CCSER1: variants seen among roughly 807,000 people sequenced by gnomAD.
CCSER1 encodes the protein serine-rich coiled-coil domain-containing protein 1.
In CCSER1, 41 loss-of-function variants were observed where a neutral mutation model predicts 82.0. The ratio of observed to expected loss-of-function variants is 0.50; its 90% CI spans 0.39 to 0.65. The LOEUF (loss-of-function observed/expected upper bound fraction) is 0.65. Ranked by LOEUF, CCSER1 falls within the 30% of genes least tolerant of loss-of-function variation. The probability of loss-of-function intolerance (pLI) is 0.00; values close to 1 mark genes in which losing one functional copy is unlikely to be tolerated. For missense variants in CCSER1, 1,119 were observed against 1,064.2 expected (o/e 1.05, Z -0.72); for synonymous variants, 414 against 383.9 (o/e 1.08, Z -0.92).
chr4:90,874,403 T>A (rs1342178490), intron 8 of CCSER1, among the ~76,000 whole-genome samples: 1 of 151,220 alleles, frequency 6.6e-6, no homozygotes, highest in African/African-American at 2.4e-5. Context: ...AAATTTGTTA[T>A]GTCTTTCAAC....
chr4:91,083,517 C>T (rs1723030612), intron 9 of CCSER1, among the ~76,000 whole-genome samples: 1 of 151,992 alleles, frequency 6.6e-6, no homozygotes, highest in Non-Finnish European at 1.5e-5. Flanking sequence ...TGTAACAAAT[C>T]TGCATGTTGT....
At chr4:91,373,764 A>G (rs1053743290) in intron 10 of CCSER1, among the ~76,000 whole-genome samples, 3 of 152,214 alleles carry the variant, frequency 2.0e-5, no homozygotes, top group Non-Finnish European at 4.4e-5. Context: ...AGGCACGTCA[A>G]AAGCTGAGTA....
chr4:90,413,831 T>A (rs184176934), intron 4 of CCSER1, among the ~76,000 whole-genome samples: 1 of 148,108 alleles, frequency 6.8e-6, no homozygotes, highest in African/African-American at 2.5e-5. Flanking sequence ...CGCCTGTAGT[T>A]CCAGCTACTC....
intron 5 of CCSER1, among the ~76,000 whole-genome samples, chr4:90,529,936 A>AATATAT (rs1013939688): frequency 0.047 from 6,122 of 130,738 alleles, 165 homozygotes; most frequent in Non-Finnish European, 0.054. Context: ...TATTAAATAG[A>AATATAT]ATATATATAT....
rs2110366634 is a variant in CCSER1 at position 91,601,346 on chromosome 4, G to A, written c.*2289G>A. On this transcript the variant is annotated 3_prime_UTR_variant, in exon 11 of 11. Coordinates refer to ENST00000509176, the MANE Select transcript of CCSER1 (RefSeq NM_001145065.2). ...AAACAGTTCGATTTTAAAAGGAAGG[G>A]TATTTTTTGGAAATATCATCTTAAA... is the stretch of plus-strand genomic sequence containing the variant. 1 of 152,038 alleles carries A rather than the reference G, an allele frequency of 6.6e-6. No homozygotes were observed. The highest frequency in any genetic ancestry group is 2.1e-4 in the South Asian group (1 of 4,822). 9.4% of individuals were successfully genotyped at this position (152,038 alleles called of 1,614,324 possible). A position where few individuals can be genotyped will look rare whatever the true frequency, so the allele number is the denominator to read the frequency against.
At chr4:91,115,858 TA>T (rs201504499) in intron 10 of CCSER1, among the ~76,000 whole-genome samples, 2,032 of 136,184 alleles carry the variant, frequency 0.015, 38 homozygotes, top group African/African-American at 0.041. Flanking sequence ...TATATATATA[TA>T]TTTTTTTTTA....
At chr4:91,176,501 G>A (rs531403352) in intron 10 of CCSER1, among the ~76,000 whole-genome samples, 3 of 152,100 alleles carry the variant, frequency 2.0e-5, no homozygotes, top group South Asian at 4.1e-4. Context: ...TAATTTCATT[G>A]AGCAGTGGTT....
intron 7 of CCSER1, among the ~76,000 whole-genome samples, chr4:90,754,750 A>G (rs774294141): frequency 2.6e-5 from 4 of 152,212 alleles, no homozygotes; most frequent in Non-Finnish European, 5.9e-5. Flanking sequence ...TTGTTTTAGT[A>G]GAAATAGCAT....
chr4:91,072,052 G>A (rs1307599073), intron 9 of CCSER1, among the ~76,000 whole-genome samples: 5 of 152,116 alleles, frequency 3.3e-5, no homozygotes, highest in Non-Finnish European at 7.4e-5. Context: ...CATCAGACAT[G>A]CTATAAGTAA....
intron 10 of CCSER1, among the ~76,000 whole-genome samples, chr4:91,383,192 A>T (rs556034978): frequency 2.0e-5 from 3 of 152,186 alleles, no homozygotes; most frequent in Non-Finnish European, 2.9e-5. Context: ...AACCTGCAAT[A>T]TTGATGTATG....
At chr4:91,501,308 A>T (rs1321764329) in intron 10 of CCSER1, among the ~76,000 whole-genome samples, 1 of 151,744 alleles carries the variant, frequency 6.6e-6, no homozygotes, top group Non-Finnish European at 1.5e-5. Context: ...AATGTTGCTT[A>T]TGTTCACAAC....
intron 1 of CCSER1, among the ~76,000 whole-genome samples, chr4:90,200,435 T>C (rs888975300): frequency 7.9e-5 from 12 of 152,016 alleles, no homozygotes; most frequent in South Asian, 6.2e-4. Context: ...TTTCCTTATT[T>C]AGAGGATTTT....
intron 10 of CCSER1, among the ~76,000 whole-genome samples, chr4:91,303,983 C>T (rs750353744): frequency 2.0e-5 from 3 of 151,908 alleles, no homozygotes; most frequent in Non-Finnish European, 4.4e-5. Flanking sequence ...ATTATTCACA[C>T]ATTTGTTGAG....
chr4:90,579,028 G>GCGTC, intron 5 of CCSER1, among the ~76,000 whole-genome samples: 1 of 54,166 alleles, frequency 1.8e-5, no homozygotes, highest in African/African-American at 3.1e-4. Context: ...AAAAAAGCTT[G>GCGTC]ACTTTTTTTA....
intron 10 of CCSER1, among the ~76,000 whole-genome samples, chr4:91,263,093 A>G (rs1172368124): frequency 1.3e-5 from 2 of 152,072 alleles, no homozygotes; most frequent in Non-Finnish European, 2.9e-5. Context: ...ATACTGAAAC[A>G]TGCATATATA....
At chr4:91,392,970 G>A (rs1425218272) in intron 10 of CCSER1, among the ~76,000 whole-genome samples, 2 of 152,056 alleles carry the variant, frequency 1.3e-5, no homozygotes, top group East Asian at 1.9e-4. Context: ...ATAGGGCTGA[G>A]GTGGTGTATT....
chr4:91,480,264 G>C (rs1308164824), intron 10 of CCSER1, among the ~76,000 whole-genome samples: 1 of 152,116 alleles, frequency 6.6e-6, no homozygotes, highest in African/African-American at 2.4e-5. Context: ...ACCCAGTAAT[G>C]GGATGGCTGG....
intron 10 of CCSER1, among the ~76,000 whole-genome samples, chr4:91,411,512 A>ATATACATATATATATATATACATG: frequency 2.8e-5 from 2 of 70,520 alleles, no homozygotes; most frequent in African/African-American, 9.0e-5. Context: ...ATATATATAT[A>ATATACATATATATATATATACATG]TATATATATA....
intron 3 of CCSER1, among the ~76,000 whole-genome samples, chr4:90,325,306 G>T (rs920288661): frequency 2.0e-5 from 3 of 152,002 alleles, no homozygotes; most frequent in African/African-American, 7.3e-5. Context: ...TATTTATTAA[G>T]AAAATAATTT....
Sources: allele counts gnomAD v4.1 joint callset (sites outside exome capture counted in the v4.1 genomes callset), GRCh38; gene constraint gnomAD v4.1.1; transcripts MANE v1.5; gene names NCBI Gene and HGNC (gene_info 2026-07-23, HGNC 2026-07-21).